The following LYRM4 variants were observed in gnomAD, a reference collection of about 807,000 sequenced individuals.
The protein encoded by LYRM4 is LYR motif containing 4.
In LYRM4, 9 loss-of-function variants were observed where a neutral mutation model predicts 11.7. The ratio of observed to expected loss-of-function variants is 0.77; its 90% CI spans 0.46 to 1.34. LYRM4 has a LOEUF of 1.34. LYRM4 is among the 40% of genes most tolerant of loss of function. The pLI is 0.00. For synonymous variants in LYRM4, 42 were observed against 40.4 expected (o/e 1.04, Z -0.15); for missense variants, 133 against 112.5 (o/e 1.18, Z -0.82).
At chr6:5,091,130 G>C in the LYRM4 span, among the ~76,000 whole-genome samples, 1 of 152,196 alleles carries the variant, frequency 6.6e-6, no homozygotes, top group Admixed American at 6.5e-5. Flanking sequence ...GCAGTCCAGC[G>C]TTTGTCCAGC....
intron 1 of LYRM4, among the ~76,000 whole-genome samples, chr6:5,245,962 G>A (rs1272770618): frequency 3.9e-5 from 6 of 152,154 alleles, no homozygotes; most frequent in Non-Finnish European, 8.8e-5. Flanking sequence ...ACAGACCATG[G>A]TAAGGATTCT....
In LYRM4 at chr6:5,131,677, T is replaced by TTTTGG. The variant is rs778383369; in HGVS notation, c.208-22187_208-22186insCCAAA. On this transcript the variant is annotated intron_variant, in intron 2 of 2. Transcript: ENST00000330636. ...GAAAAGGCTCAAACCAGTAGATATT[T>TTTTGG]TAATCTCTTCTATGGTAATTGGTCT... Among the ~76,000 whole-genome samples the TTTTGG allele has an allele frequency of 1.4e-3, 216 of 152,344 alleles. 2 individuals are homozygous for TTTTGG. The highest frequency in any genetic ancestry group is 1.6e-3 in the Non-Finnish European group (108 of 68,020).
At chr6:5,071,176 G>T in the LYRM4 span, among the ~76,000 whole-genome samples, 2 of 120,658 alleles carry the variant, frequency 1.7e-5, no homozygotes, top group Non-Finnish European at 3.4e-5. Flanking sequence ...GTGACAGGGC[G>T]AGACTCTGTC....
intron 2 of LYRM4, among the ~76,000 whole-genome samples, chr6:5,112,372 G>A (rs999933694): frequency 4.6e-5 from 7 of 152,214 alleles, no homozygotes; most frequent in Non-Finnish European, 5.9e-5. Context: ...TGTGATGAGC[G>A]AGCGAGCGAA....
At chr6:5,134,503 T>C (rs914829029) in intron 2 of LYRM4, among the ~76,000 whole-genome samples, 1 of 152,252 alleles carries the variant, frequency 6.6e-6, no homozygotes, top group Non-Finnish European at 1.5e-5. Flanking sequence ...ATTAAGGAAT[T>C]AGCATTATTT....
At chr6:5,109,877 G>A (rs1043809053) in intron 2 of LYRM4, among the ~76,000 whole-genome samples, 1 of 152,228 alleles carries the variant, frequency 6.6e-6, no homozygotes, top group African/African-American at 2.4e-5. Flanking sequence ...AGGGGTTTTA[G>A]AACAGTGCAG....
At chr6:5,220,769 T>C (rs1286940660) in intron 1 of LYRM4, among the ~76,000 whole-genome samples, 2 of 152,168 alleles carry the variant, frequency 1.3e-5, no homozygotes, top group African/African-American at 4.8e-5. Flanking sequence ...TTTCTGGAGG[T>C]CAAGTCTTCA....
intron 1 of LYRM4, among the ~76,000 whole-genome samples, chr6:5,226,743 A>G (rs372407801): frequency 4.6e-4 from 70 of 152,370 alleles, no homozygotes; most frequent in African/African-American, 1.6e-3. Flanking sequence ...TATGGAAAAT[A>G]TATGTGTAGG....
At chr6:5,244,856 T>C (rs1051653999) in intron 1 of LYRM4, among the ~76,000 whole-genome samples, 4 of 151,606 alleles carry the variant, frequency 2.6e-5, no homozygotes, top group African/African-American at 9.7e-5. Flanking sequence ...TTCATGGCAC[T>C]GACGGGGGTA....
Position 5,182,344 on chromosome 6 carries a change from T to C in LYRM4, c.207+34274A>G, listed in dbSNP as rs73363039. Among the ~76,000 whole-genome samples, 167 of 152,366 alleles carry C rather than the reference T, an allele frequency of 1.1e-3. 3 individuals carry two copies. Among genetic ancestry groups the C allele is most frequent in the African/African-American group, 3.9e-3 (161 of 41,588 alleles). ...AATGACTATTTTTGTGTTGTTTTAG[T>C]TACCCTTCAAGGTGTTTGAAGACTT... On this transcript the variant is annotated intron_variant, in intron 2 of 2. Transcript: ENST00000330636.
At position 5,217,827 on chromosome 6, in the gene LYRM4, T is replaced by C. The variant is rs115152495; in HGVS notation, c.87-1089A>G. ...TACTCAGATGGCTATGGCCTATCTCTAGCTCTACCCCAACTACTCCAGATT... is the reference window on the plus strand; with the variant it reads ...TACTCAGATGGCTATGGCCTATCTCCAGCTCTACCCCAACTACTCCAGATT... On this transcript the variant is annotated intron_variant, in intron 1 of 2. Transcript: ENST00000330636. Among the ~76,000 whole-genome samples the C allele has an allele frequency of 5.0e-3, 757 of 152,294 alleles. 3 individuals are homozygous for C. The highest frequency in any genetic ancestry group is 8.1e-3 in the Non-Finnish European group (550 of 68,032).
chr6:5,186,943 C>T (rs1251255969), intron 2 of LYRM4: 2 of 489,508 alleles, frequency 4.1e-6, no homozygotes, highest in Non-Finnish European at 5.4e-6. Context: ...GAGATCGTTC[C>T]AATGCACTCC....
the LYRM4 span, among the ~76,000 whole-genome samples, chr6:5,093,602 AC>A: frequency 1.3e-5 from 2 of 152,282 alleles, no homozygotes; most frequent in Non-Finnish European, 1.5e-5. Flanking sequence ...TTGCCACTTT[AC>A]AAAAAAACTT....
At chr6:5,111,628 G>A (rs1307084824) in intron 2 of LYRM4, among the ~76,000 whole-genome samples, 1 of 152,164 alleles carries the variant, frequency 6.6e-6, no homozygotes, top group Non-Finnish European at 1.5e-5. Flanking sequence ...CCACGGCTCC[G>A]GGATCCATCT....
intron 2 of LYRM4, among the ~76,000 whole-genome samples, chr6:5,174,844 A>G (rs1229230211): frequency 6.6e-6 from 1 of 152,228 alleles, no homozygotes; most frequent in Non-Finnish European, 1.5e-5. Flanking sequence ...CTGAGAATAT[A>G]AAAGATAAGC....
At chr6:5,259,329 G>C (rs957074408) in intron 1 of LYRM4, among the ~76,000 whole-genome samples, 1 of 150,832 alleles carries the variant, frequency 6.6e-6, no homozygotes, top group Non-Finnish European at 1.5e-5. Flanking sequence ...TAGGTGTTTG[G>C]TTAATTCTTG....
the LYRM4 span, chr6:5,065,765 A>C: frequency 3.6e-6 from 1 of 277,472 alleles, no homozygotes; most frequent in South Asian, 8.4e-5. Flanking sequence ...AAATAAATAA[A>C]CTGCTCCACC....
chr6:5,144,609 A>C (rs1352510224), intron 2 of LYRM4, among the ~76,000 whole-genome samples: 9 of 131,968 alleles, frequency 6.8e-5, no homozygotes, highest in Non-Finnish European at 3.1e-5. Flanking sequence ...TGGGCGACAC[A>C]GCGAGACTCC....
At chr6:5,186,778 C>G (rs776565583) in intron 2 of LYRM4, 1 of 630,174 alleles carries the variant, frequency 1.6e-6, no homozygotes. Context: ...GAGGTCAGGA[C>G]TTCGAGACCA....
Sources: gnomAD v4.1 joint callset for allele counts (sites outside exome capture counted in the v4.1 genomes callset) on GRCh38, gnomAD v4.1.1 for gene constraint, MANE v1.5 for transcripts, NCBI Gene and HGNC (gene_info 2026-07-23, HGNC 2026-07-21) for gene names.